Variants in ITGA8 observed in about 807,000 individuals in gnomAD.
The protein encoded by ITGA8 is integrin alpha-8.
ITGA8 carries 91 observed loss-of-function variants against 142.3 expected under a neutral mutation model. The observed-to-expected ratio is 0.64, with a 90% CI of 0.54 to 0.76. The LOEUF is 0.76. Ranked by LOEUF, ITGA8 falls within the 30% of genes least tolerant of loss-of-function variation. ITGA8 has a pLI of 0.00. For synonymous variants in ITGA8, 505 were observed against 485.2 expected, an observed-to-expected ratio of 1.04 and a Z score of -0.54; for missense variants, 1,406 against 1,327.7, an observed-to-expected ratio of 1.06 and a Z score of -0.92.
At chr10:15,558,006 A>C in intron 26 of ITGA8, 68 bp downstream of exon 26, 6 of 1,563,346 alleles carry the variant, frequency 3.8e-6, no homozygotes, top group Middle Eastern at 2.2e-4. Context: ...AGTTAAAACT[A>C]TCTGTATTTG....
intron 12 of ITGA8, among the ~76,000 whole-genome samples, chr10:15,644,483 T>C (rs1833939406): frequency 1.0e-4 from 2 of 19,346 alleles, no homozygotes; most frequent in South Asian, 0.011. Flanking sequence ...TATATATATA[T>C]ATATATATAG....
intron 28 of ITGA8, among the ~76,000 whole-genome samples, chr10:15,523,433 C>G (rs561784104): frequency 2.0e-4 from 30 of 152,272 alleles, no homozygotes; most frequent in African/African-American, 7.2e-4. Flanking sequence ...ACAGAACGTA[C>G]TGGCTTTCTG....
chr10:15,684,805 T>C lies in ITGA8; in HGVS notation c.445-678A>G, dbSNP rs1024331800. 2.6e-5 allele frequency among the ~76,000 whole-genome samples: 4 copies of C among 152,340 alleles called. No homozygotes were observed. In the East Asian group the frequency reaches 7.7e-4, roughly 29 times the overall value. The stretch of plus-strand genomic sequence containing the variant: ...GCAAATGATCATGTAAACAGTGAAT[T>C]AATCAGTGTGATGTCTTATGAGAAC... On this transcript the variant is annotated intron_variant, in intron 3 of 29. Transcript: ENST00000378076.
chr10:15,553,736 C>T (rs991331629), intron 26 of ITGA8, among the ~76,000 whole-genome samples: 12 of 152,162 alleles, frequency 7.9e-5, no homozygotes, highest in African/African-American at 2.4e-4. Context: ...CATGGTGGCT[C>T]ACACCTGTAA....
At chr10:15,598,172 A>T (rs1194947240) in intron 20 of ITGA8, among the ~76,000 whole-genome samples, 2 of 152,128 alleles carry the variant, frequency 1.3e-5, no homozygotes, top group Non-Finnish European at 2.9e-5. Context: ...TGTGCCATCG[A>T]TATATTATCC....
Position 15,672,636 on chromosome 10 carries a change from C to T in ITGA8, c.790G>A (p.Asp264Asn). 1 of 1,613,236 alleles carries T rather than the reference C, an allele frequency of 6.2e-7. No homozygotes were observed. Among genetic ancestry groups the T allele is most frequent in the Non-Finnish European group, 8.5e-7 (1 of 1,179,606 alleles). ...CAATGGGTCTTACCAAGGTAACTGT[C>T]ATCATAGGAAGCTGGAGCCACTTCC... Reference protein sequence around the residue: ...QTEVAPASYDDSYLGYSVAAG... With the variant: ...QTEVAPASYDNSYLGYSVAAG... Residue 264 changes from aspartate (D) to asparagine (N), a missense_variant, in exon 7 of 30, where the codon GAC (aspartate) becomes AAC (asparagine). Coordinates refer to ENST00000378076, the MANE Select transcript of ITGA8 (RefSeq NM_003638.3).
intron 27 of ITGA8, among the ~76,000 whole-genome samples, chr10:15,538,514 A>G (rs902516835): frequency 3.6e-5 from 2 of 55,250 alleles, no homozygotes; most frequent in South Asian, 8.7e-4. Context: ...TCCGTCTCGA[A>G]AAAAAAAAAA....
chr10:15,625,535 C>T (rs1564380244), intron 13 of ITGA8, among the ~76,000 whole-genome samples: 1 of 152,228 alleles, frequency 6.6e-6, no homozygotes, highest in Non-Finnish European at 1.5e-5. Context: ...GAAAGTGTTT[C>T]ACAGTCTCCA....
chr10:15,550,623 C>G (rs1405073875), intron 26 of ITGA8, among the ~76,000 whole-genome samples: 2 of 152,046 alleles, frequency 1.3e-5, no homozygotes, highest in African/African-American at 4.8e-5. Flanking sequence ...TTGTACTAGA[C>G]CAGGGCATGC....
At chr10:15,521,275 C>G (rs1043303884) in intron 28 of ITGA8, among the ~76,000 whole-genome samples, 8 of 152,080 alleles carry the variant, frequency 5.3e-5, no homozygotes, top group African/African-American at 1.9e-4. Context: ...CCACCCGCCT[C>G]GGCCTCCCAA....
intron 27 of ITGA8, among the ~76,000 whole-genome samples, chr10:15,540,833 G>A (rs879929139): frequency 5.3e-5 from 8 of 152,144 alleles, no homozygotes; most frequent in Non-Finnish European, 1.0e-4. Context: ...CTGGCTGAAG[G>A]CAGCCAGTAG....
chr10:15,552,173 G>A (rs1219457824), intron 26 of ITGA8, among the ~76,000 whole-genome samples: 1 of 150,982 alleles, frequency 6.6e-6, no homozygotes, highest in Non-Finnish European at 1.5e-5. Flanking sequence ...GTCTCGCTCC[G>A]TCTCCCAGGC....
rs771423381 is a variant in ITGA8 at position 15,719,552 on chromosome 10, G to A, written c.209+11C>T. ...GTCCCCGCGCGCACCTCCCCGGGTCGGGCGACTTACGTGCGGGCGTCGGGT... is the reference window on the plus strand; with the variant it reads ...GTCCCCGCGCGCACCTCCCCGGGTCAGGCGACTTACGTGCGGGCGTCGGGT... On this transcript the variant is annotated intron_variant, in intron 1 of 29. Coordinates refer to ENST00000378076, the MANE Select transcript of ITGA8 (RefSeq NM_003638.3). 4.5e-6 allele frequency: 7 copies of A among 1,548,490 alleles called. No homozygotes were observed. In the African/African-American group the frequency reaches 8.5e-5, roughly 19 times the overall value.
At chr10:15,555,789 G>A (rs1588641822) in intron 26 of ITGA8, among the ~76,000 whole-genome samples, 3 of 147,738 alleles carry the variant, frequency 2.0e-5, no homozygotes, top group African/African-American at 7.5e-5. Context: ...TCCGCCTCCC[G>A]GGTTCACGCC....
At chr10:15,690,951 A>G (rs1352739347) in intron 2 of ITGA8, among the ~76,000 whole-genome samples, 1 of 152,208 alleles carries the variant, frequency 6.6e-6, no homozygotes, top group East Asian at 1.9e-4. Context: ...AACTATACGT[A>G]CATAAGGGGC....
intron 12 of ITGA8, among the ~76,000 whole-genome samples, chr10:15,644,551 A>G (rs1471629629): frequency 7.2e-6 from 1 of 138,128 alleles, no homozygotes; most frequent in Admixed American, 7.5e-5. Context: ...ATGGTCTGGA[A>G]TTCCTGGCCT....
chr10:15,719,146 G>C (rs997507609), intron 1 of ITGA8, among the ~76,000 whole-genome samples: 1 of 152,188 alleles, frequency 6.6e-6, no homozygotes, highest in Non-Finnish European at 1.5e-5. Flanking sequence ...ATGAGAGAAG[G>C]GGGTGGGGTA....
intron 12 of ITGA8, among the ~76,000 whole-genome samples, chr10:15,645,189 C>G (rs564129285): frequency 1.3e-5 from 2 of 150,558 alleles, no homozygotes; most frequent in Admixed American, 1.3e-4. Context: ...GGAACACTTT[C>G]GACACTTTCT....
chr10:15,535,539 A>G (rs187873707), intron 27 of ITGA8, among the ~76,000 whole-genome samples: 4,589 of 152,226 alleles, frequency 0.03, 91 homozygotes, highest in Non-Finnish European at 0.046. Flanking sequence ...GAATGCACCA[A>G]TCCACACTCT....
Sources: gnomAD v4.1 joint callset for allele counts (sites outside exome capture counted in the v4.1 genomes callset) on GRCh38, gnomAD v4.1.1 for gene constraint, MANE v1.5 for transcripts, NCBI Gene and HGNC (gene_info 2026-07-23, HGNC 2026-07-21) for gene names.